The following AGBL4 variants were observed in gnomAD, a reference collection of about 807,000 sequenced individuals.
AGBL4 encodes AGBL carboxypeptidase 4.
In AGBL4, 58 loss-of-function variants were observed where a neutral mutation model predicts 66.4. That is an observed-to-expected ratio of 0.87 (90% CI 0.71 to 1.09). The LOEUF is 1.09. Ranked by LOEUF, AGBL4 falls within the 50% of genes least tolerant of loss-of-function variation. The probability of loss-of-function intolerance (pLI) is 0.00; values close to 1 mark genes in which losing one functional copy is unlikely to be tolerated. For missense variants in AGBL4, 579 were observed against 631.0 expected (o/e 0.92, Z 0.88); for synonymous variants, 234 against 222.9 (o/e 1.05, Z -0.44).
intron 1 of AGBL4, among the ~76,000 whole-genome samples, chr1:49,967,197 TC>T (rs2148354555): frequency 6.6e-6 from 1 of 152,300 alleles, no homozygotes; most frequent in South Asian, 2.1e-4. Flanking sequence ...TGATCACCAT[TC>T]TAACTGGTGT....
intron 3 of AGBL4, among the ~76,000 whole-genome samples, chr1:49,607,068 G>A (rs1372575755): frequency 3.3e-5 from 5 of 151,808 alleles, no homozygotes; most frequent in Admixed American, 3.3e-4. Context: ...TTTTCTTTGT[G>A]GTATTCATAT....
At chr1:49,528,142 A>C (rs1290211134) in intron 3 of AGBL4, among the ~76,000 whole-genome samples, 2 of 152,198 alleles carry the variant, frequency 1.3e-5, no homozygotes, top group East Asian at 3.9e-4. Flanking sequence ...GGTAGATTAT[A>C]AGATAAAGAG....
chr1:48,640,196 G>A (rs916475388), intron 8 of AGBL4, among the ~76,000 whole-genome samples: 1 of 152,174 alleles, frequency 6.6e-6, no homozygotes, highest in Non-Finnish European at 1.5e-5. Context: ...TCTAGAAAAT[G>A]CAAATATATG....
intron 1 of AGBL4, among the ~76,000 whole-genome samples, chr1:49,935,778 T>C (rs1001412993): frequency 2.0e-5 from 3 of 152,214 alleles, no homozygotes; most frequent in African/African-American, 7.2e-5. Flanking sequence ...CTGAGGGTCC[T>C]GTCTGTTAGA....
At chr1:49,772,719 CAA>C (rs1644097386) in intron 2 of AGBL4, among the ~76,000 whole-genome samples, 1 of 152,186 alleles carries the variant, frequency 6.6e-6, no homozygotes, top group Admixed American at 6.5e-5. Context: ...ACTCTGCTGA[CAA>C]TCTAATGAGG....
At chr1:49,221,190 T>A (rs533172892) in intron 4 of AGBL4, among the ~76,000 whole-genome samples, 1 of 152,212 alleles carries the variant, frequency 6.6e-6, no homozygotes, top group African/African-American at 2.4e-5. Flanking sequence ...CATCTTGGCT[T>A]TGTGAAAGAT....
intron 3 of AGBL4, among the ~76,000 whole-genome samples, chr1:49,508,183 G>C (rs1413953213): frequency 6.6e-6 from 1 of 151,922 alleles, no homozygotes; most frequent in Non-Finnish European, 1.5e-5. Flanking sequence ...AGTTAAGTTA[G>C]AGCATCAGAA....
intron 3 of AGBL4, among the ~76,000 whole-genome samples, chr1:49,263,300 T>G (rs902366416): frequency 6.6e-6 from 1 of 151,986 alleles, no homozygotes; most frequent in East Asian, 1.9e-4. Context: ...AAACTTAAAG[T>G]ATAATAATAA....
chr1:49,049,371 G>C (rs1336348468), intron 4 of AGBL4, among the ~76,000 whole-genome samples: 1 of 151,874 alleles, frequency 6.6e-6, no homozygotes, highest in Non-Finnish European at 1.5e-5. Flanking sequence ...CCTGACTATT[G>C]AGTCTTCCTT....
At chr1:49,582,627 A>T (rs1265558920) in intron 3 of AGBL4, among the ~76,000 whole-genome samples, 1 of 152,232 alleles carries the variant, frequency 6.6e-6, no homozygotes, top group Non-Finnish European at 1.5e-5. Context: ...CACTTCCAAA[A>T]GCCACAACCT....
At chr1:49,018,310 G>C (rs947581268) in intron 5 of AGBL4, among the ~76,000 whole-genome samples, 13 of 152,136 alleles carry the variant, frequency 8.5e-5, no homozygotes, top group African/African-American at 3.1e-4. Context: ...TACCAGTGGA[G>C]GTGAGCCCCA....
chr1:48,841,749 T>C (rs532219514), intron 6 of AGBL4, among the ~76,000 whole-genome samples: 1 of 152,128 alleles, frequency 6.6e-6, no homozygotes, highest in South Asian at 2.1e-4. Flanking sequence ...TTATCTCTTC[T>C]TGCCAGTTTC....
intron 1 of AGBL4, among the ~76,000 whole-genome samples, chr1:49,910,841 C>T (rs1027628787): frequency 7.2e-5 from 11 of 151,868 alleles, no homozygotes; most frequent in African/African-American, 1.2e-4. Context: ...CCGGGCACGG[C>T]GGCATGCGTC....
chr1:49,740,775 C>T (rs954726758), intron 2 of AGBL4, among the ~76,000 whole-genome samples: 2 of 152,198 alleles, frequency 1.3e-5, no homozygotes, highest in Admixed American at 1.3e-4. Context: ...TACATGGAAA[C>T]TGAACAAACT....
chr1:49,063,787 G>A (rs1257995754), intron 4 of AGBL4, among the ~76,000 whole-genome samples: 1 of 152,208 alleles, frequency 6.6e-6, no homozygotes, highest in East Asian at 1.9e-4. Flanking sequence ...AGGCCTGTTG[G>A]ATTTCTGGAG....
At chr1:48,869,753 T>C (rs1345227055) in intron 5 of AGBL4, among the ~76,000 whole-genome samples, 1 of 151,594 alleles carries the variant, frequency 6.6e-6, no homozygotes, top group Admixed American at 6.6e-5. Context: ...TGAGAACCTG[T>C]AGCCAGCACA....
intron 3 of AGBL4, among the ~76,000 whole-genome samples, chr1:49,396,014 G>C (rs976911336): frequency 6.6e-6 from 1 of 151,296 alleles, no homozygotes; most frequent in African/African-American, 2.4e-5. Flanking sequence ...TGAAGACCCA[G>C]TGTCTACATC....
At chr1:49,145,473 C>G (rs1646199969) in intron 4 of AGBL4, among the ~76,000 whole-genome samples, 1 of 152,104 alleles carries the variant, frequency 6.6e-6, no homozygotes, top group Admixed American at 6.5e-5. Context: ...AGGTCCCATT[C>G]CAAGTATTTT....
chr1:49,450,616 A>T (rs1023847356), intron 3 of AGBL4, among the ~76,000 whole-genome samples: 6 of 152,138 alleles, frequency 3.9e-5, no homozygotes, highest in African/African-American at 1.4e-4. Flanking sequence ...AACATCTTCA[A>T]ATTCATTGTG....
Sources: allele counts gnomAD v4.1 joint callset (sites outside exome capture counted in the v4.1 genomes callset), GRCh38; gene constraint gnomAD v4.1.1; transcripts MANE v1.5; gene names NCBI Gene and HGNC (gene_info 2026-07-23, HGNC 2026-07-21).